The following PCDH15 variants were observed in gnomAD, a reference collection of about 807,000 sequenced individuals.
PCDH15 encodes protocadherin related 15.
PCDH15 carries 129 observed loss-of-function variants against 178.5 expected under a neutral mutation model. The ratio of observed to expected loss-of-function variants is 0.72; its 90% CI spans 0.63 to 0.84. PCDH15 has a LOEUF of 0.84. PCDH15 is among the 40% of genes least tolerant of loss of function. The probability of loss-of-function intolerance (pLI) is 0.00; values close to 1 mark genes in which losing one functional copy is unlikely to be tolerated. For synonymous variants in PCDH15, 800 were observed against 732.0 expected, an observed-to-expected ratio of 1.09 and a Z score of -1.50; for missense variants, 2,230 against 2,099.9, an observed-to-expected ratio of 1.06 and a Z score of -1.21.
Position 54,185,287 on chromosome 10 carries a change from T to C in PCDH15, c.1306-19A>G. 1 of 1,613,128 alleles carries C rather than the reference T, an allele frequency of 6.2e-7. No homozygotes were observed. On this transcript the variant is annotated intron_variant, in intron 11 of 37. Coordinates refer to ENST00000644397, the MANE Select transcript of PCDH15 (RefSeq NM_001384140.1). ...CTTTTGTCTTTGAAAAAAAATGACA[T>C]CGTTTCAAACGTTGAATAAATAATG... is the stretch of plus-strand genomic sequence containing the variant.
intron 10 of PCDH15, among the ~76,000 whole-genome samples, chr10:54,202,996 A>C (rs916549938): frequency 6.6e-5 from 10 of 152,000 alleles, no homozygotes; most frequent in African/African-American, 2.4e-4. Context: ...ATTTTTAGAG[A>C]ATCTTTCTTT....
chr10:54,244,928 T>G (rs140137550), intron 8 of PCDH15, among the ~76,000 whole-genome samples: 1 of 152,158 alleles, frequency 6.6e-6, no homozygotes, highest in Non-Finnish European at 1.5e-5. Flanking sequence ...CTCATTAAAT[T>G]TGGATGAATA....
chr10:54,240,646 T>A (rs1338840771), intron 8 of PCDH15, among the ~76,000 whole-genome samples: 1 of 144,118 alleles, frequency 6.9e-6, no homozygotes, highest in East Asian at 2.0e-4. Flanking sequence ...TTTTTTTTTT[T>A]TTTGAGACAG....
intron 2 of PCDH15, among the ~76,000 whole-genome samples, chr10:54,568,368 C>G (rs544252325): frequency 3.0e-4 from 46 of 152,100 alleles, no homozygotes; most frequent in African/African-American, 1.1e-3. Context: ...CATCTTATCC[C>G]CTCCCTTTTT....
At chr10:54,708,393 T>C (rs1285022419) in intron 1 of PCDH15, among the ~76,000 whole-genome samples, 1 of 152,206 alleles carries the variant, frequency 6.6e-6, no homozygotes, top group Non-Finnish European at 1.5e-5. Context: ...GTGACAAATA[T>C]GCTGAATCTT....
At chr10:54,974,987 G>T (rs571573388) in intron 2 of PCDH15, among the ~76,000 whole-genome samples, 107 of 152,222 alleles carry the variant, frequency 7.0e-4, no homozygotes, top group Non-Finnish European at 9.7e-4. Context: ...CTCAGGTCAA[G>T]TCCTACAGGG....
intron 3 of PCDH15, among the ~76,000 whole-genome samples, chr10:54,816,874 T>G (rs1952957719): frequency 6.6e-6 from 1 of 152,064 alleles, no homozygotes; most frequent in Non-Finnish European, 1.5e-5. Context: ...TGAGCTACAT[T>G]GACCTTACAG....
chr10:54,547,101 C>T (rs1426204385), intron 2 of PCDH15, among the ~76,000 whole-genome samples: 1 of 151,992 alleles, frequency 6.6e-6, no homozygotes, highest in Non-Finnish European at 1.5e-5. Context: ...ACTTCAAGCA[C>T]TCTCCCATTT....
chr10:55,547,172 G>A (rs1316683229), intron 2 of PCDH15, among the ~76,000 whole-genome samples: 2 of 152,122 alleles, frequency 1.3e-5, no homozygotes, highest in Admixed American at 1.3e-4. Context: ...AGCAGATCCC[G>A]AAGTTGCAGC....
intron 1 of PCDH15, among the ~76,000 whole-genome samples, chr10:54,763,626 A>G (rs553276725): frequency 2.0e-5 from 3 of 152,024 alleles, no homozygotes; most frequent in African/African-American, 7.2e-5. Flanking sequence ...TGTTCCCAAA[A>G]CAAATAAATA....
intron 13 of PCDH15, among the ~76,000 whole-genome samples, chr10:54,176,005 G>A (rs1421156030): frequency 6.6e-6 from 1 of 152,032 alleles, no homozygotes; most frequent in East Asian, 1.9e-4. Context: ...AGCAGGAAGG[G>A]GTAGCTTGGC....
chr10:55,158,244 T>G (rs1838952006), intron 2 of PCDH15, among the ~76,000 whole-genome samples: 1 of 151,948 alleles, frequency 6.6e-6, no homozygotes, highest in Non-Finnish European at 1.5e-5. Flanking sequence ...TATGAAAATG[T>G]TATATGCAGC....
At chr10:55,285,764 A>T (rs1842854232) in intron 1 of PCDH15, among the ~76,000 whole-genome samples, 1 of 151,886 alleles carries the variant, frequency 6.6e-6, no homozygotes, top group African/African-American at 2.4e-5. Flanking sequence ...CCTGGATTTC[A>T]TCCCCTTCTC....
chr10:55,240,392 T>C (rs1043256205), intron 1 of PCDH15, among the ~76,000 whole-genome samples: 1 of 152,286 alleles, frequency 6.6e-6, no homozygotes, highest in African/African-American at 2.4e-5. Flanking sequence ...ACAAAATTAT[T>C]GTCCATTTAA....
At chr10:55,274,459 T>A (rs1327979385) in intron 1 of PCDH15, among the ~76,000 whole-genome samples, 1 of 152,064 alleles carries the variant, frequency 6.6e-6, no homozygotes, top group Non-Finnish European at 1.5e-5. Context: ...CAATGGGAAC[T>A]AACCTTAAGA....
intron 2 of PCDH15, among the ~76,000 whole-genome samples, chr10:55,582,001 T>G (rs940029152): frequency 2.0e-5 from 3 of 152,138 alleles, no homozygotes; most frequent in African/African-American, 7.2e-5. Context: ...TGCCACCATG[T>G]AATGGTGGAA....
At chr10:54,271,094 CAG>C (rs1451196475) in intron 8 of PCDH15, among the ~76,000 whole-genome samples, 1 of 152,162 alleles carries the variant, frequency 6.6e-6, no homozygotes, top group Non-Finnish European at 1.5e-5. Flanking sequence ...AATAAACAAA[CAG>C]ATAACCGATT....
rs538653792 is a variant in PCDH15 at position 54,714,067 on chromosome 10, T to G, written c.-28-49777A>C. 8.5e-5 allele frequency among the ~76,000 whole-genome samples: 13 copies of G among 152,286 alleles called. No individual in the cohort carries two copies. The East Asian group carries it at 2.3e-3, about 27-fold the overall frequency. ...GACTCAGTTTTCACATCAGAAACAC[T>G]GGCCACGTAGCAGCCCCTTTATTCT... On this transcript the variant is annotated intron_variant, in intron 1 of 37. Coordinates refer to ENST00000644397, the MANE Select transcript of PCDH15 (RefSeq NM_001384140.1).
At chr10:54,099,123 A>G (rs2094756294) in intron 15 of PCDH15, among the ~76,000 whole-genome samples, 1 of 152,140 alleles carries the variant, frequency 6.6e-6, no homozygotes, top group Non-Finnish European at 1.5e-5. Flanking sequence ...AGTTATCCGG[A>G]CACAGGCAAA....
Sources: allele counts gnomAD v4.1 joint callset (sites outside exome capture counted in the v4.1 genomes callset), GRCh38; gene constraint gnomAD v4.1.1; transcripts MANE v1.5; gene names NCBI Gene and HGNC (gene_info 2026-07-23, HGNC 2026-07-21).